The following DLG2 variants were observed in gnomAD, a reference collection of about 807,000 sequenced individuals.
DLG2 encodes disks large homolog 2.
DLG2 carries 45 observed loss-of-function variants against 132.5 expected under a neutral mutation model. The observed-to-expected ratio is 0.34, with a 90% confidence interval of 0.27 to 0.44. The LOEUF (loss-of-function observed/expected upper bound fraction) is 0.44. Among genes scored for constraint, DLG2 ranks in the 20% least tolerant of loss-of-function variants. DLG2 has a pLI of 1.00. For synonymous variants in DLG2, 424 were observed against 419.6 expected (o/e 1.01, Z -0.13); for missense variants, 1,045 against 1,196.9 (o/e 0.87, Z 1.87).
At chr11:84,309,317 T>C (rs1350947022) in intron 7 of DLG2, among the ~76,000 whole-genome samples, 1 of 152,242 alleles carries the variant, frequency 6.6e-6, no homozygotes, top group African/African-American at 2.4e-5. Context: ...ACTTTTTGTA[T>C]AATGTCCAAC....
At chr11:84,071,692 T>C (rs2096759758) in intron 10 of DLG2, among the ~76,000 whole-genome samples, 1 of 152,200 alleles carries the variant, frequency 6.6e-6, no homozygotes, top group Non-Finnish European at 1.5e-5. Context: ...GTTATTGAAA[T>C]ATAAGCCTGA....
intron 7 of DLG2, among the ~76,000 whole-genome samples, chr11:84,356,399 C>A (rs1344535925): frequency 6.6e-6 from 1 of 152,002 alleles, no homozygotes; most frequent in Admixed American, 6.6e-5. Context: ...AAACAAAGAA[C>A]CTGTATAAGA....
chr11:83,550,500 T>C (rs1305113277), intron 19 of DLG2, among the ~76,000 whole-genome samples: 2 of 152,146 alleles, frequency 1.3e-5, no homozygotes, highest in African/African-American at 4.8e-5. Context: ...TGAGCTCCAA[T>C]GTTGACTCAT....
At chr11:84,685,278 C>T (rs2099737142) in intron 6 of DLG2, among the ~76,000 whole-genome samples, 1 of 152,180 alleles carries the variant, frequency 6.6e-6, no homozygotes, top group Admixed American at 6.5e-5. Context: ...GTCCTCAATG[C>T]CTAGCCAAGT....
At chr11:84,363,007 T>A (rs1223801669) in intron 7 of DLG2, among the ~76,000 whole-genome samples, 7 of 151,870 alleles carry the variant, frequency 4.6e-5, no homozygotes, top group Non-Finnish European at 8.8e-5. Flanking sequence ...TGATTTATAG[T>A]CCTTTGGGTA....
At chr11:84,964,666 G>A (rs974928148) in intron 6 of DLG2, among the ~76,000 whole-genome samples, 1 of 152,142 alleles carries the variant, frequency 6.6e-6, no homozygotes, top group Non-Finnish European at 1.5e-5. Context: ...TGCAGGCACT[G>A]ATGTAAAAAT....
chr11:83,515,165 T>A (rs1467889052), intron 21 of DLG2, among the ~76,000 whole-genome samples: 2 of 152,218 alleles, frequency 1.3e-5, no homozygotes, highest in African/African-American at 4.8e-5. Flanking sequence ...CCTGGACTTT[T>A]TTTGGTTGGT....
chr11:85,325,360 T>C (rs1031870025), intron 3 of DLG2, among the ~76,000 whole-genome samples: 3 of 151,348 alleles, frequency 2.0e-5, no homozygotes, highest in African/African-American at 7.3e-5. Context: ...CTCTGCAGAC[T>C]TAAGTGTCCC....
chr11:84,795,981 A>G (rs578102363), intron 6 of DLG2, among the ~76,000 whole-genome samples: 1 of 152,158 alleles, frequency 6.6e-6, no homozygotes, highest in African/African-American at 2.4e-5. Flanking sequence ...ACTTGCTCAC[A>G]CACCCCTTGC....
chr11:84,314,258 C>T (rs997208091), intron 7 of DLG2, among the ~76,000 whole-genome samples: 1 of 152,204 alleles, frequency 6.6e-6, no homozygotes, highest in Non-Finnish European at 1.5e-5. Context: ...TTCTTCTTTA[C>T]GCTTTATCAA....
At chr11:85,287,284 C>A (rs1427282001) in intron 3 of DLG2, among the ~76,000 whole-genome samples, 3 of 151,872 alleles carry the variant, frequency 2.0e-5, no homozygotes, top group African/African-American at 7.3e-5. Context: ...GACAAAGGAA[C>A]AGTATCCAGA....
intron 11 of DLG2, among the ~76,000 whole-genome samples, chr11:84,058,197 G>T (rs974411166): frequency 6.6e-6 from 1 of 151,992 alleles, no homozygotes; most frequent in African/African-American, 2.4e-5. Flanking sequence ...TTAAAGAAAT[G>T]AGAAATGATT....
intron 7 of DLG2, among the ~76,000 whole-genome samples, chr11:84,438,486 TAAA>T (rs57313257): frequency 6.6e-6 from 1 of 151,850 alleles, no homozygotes; most frequent in African/African-American, 2.4e-5. Context: ...AAATAAAAAA[TAAA>T]AAAACCCAGG....
intron 6 of DLG2, among the ~76,000 whole-genome samples, chr11:84,927,294 T>C (rs2047508380): frequency 6.6e-6 from 1 of 151,986 alleles, no homozygotes; most frequent in South Asian, 2.1e-4. Context: ...TTCTTATAGG[T>C]AGATAGAGTA....
At chr11:83,891,580 T>G (rs543181074) in intron 15 of DLG2, among the ~76,000 whole-genome samples, 1 of 152,244 alleles carries the variant, frequency 6.6e-6, no homozygotes, top group Non-Finnish European at 1.5e-5. Flanking sequence ...GTCAAGGATA[T>G]GTGGAGAGAA....
chr11:84,151,939 T>C (rs916927886), intron 9 of DLG2, among the ~76,000 whole-genome samples: 2 of 152,218 alleles, frequency 1.3e-5, no homozygotes, highest in Admixed American at 1.3e-4. Flanking sequence ...TCTTTGCATT[T>C]ATTGAGTCTT....
intron 5 of DLG2, among the ~76,000 whole-genome samples, chr11:85,124,004 G>C (rs1170101025): frequency 3.3e-5 from 5 of 152,222 alleles, no homozygotes; most frequent in South Asian, 4.1e-4. Context: ...TTTGCCACCA[G>C]AGTGGTAACT....
chr11:85,039,862 T>C (rs970706498), intron 6 of DLG2, among the ~76,000 whole-genome samples: 3 of 151,934 alleles, frequency 2.0e-5, no homozygotes, highest in African/African-American at 4.8e-5. Flanking sequence ...CTTTAAATTT[T>C]GGTTGAATGA....
chr11:85,517,655 G>A (rs1447490507), intron 3 of DLG2, among the ~76,000 whole-genome samples: 1 of 151,452 alleles, frequency 6.6e-6, no homozygotes, highest in African/African-American at 2.4e-5. Flanking sequence ...TGTCACCCAG[G>A]CTGAAGTGCA....
Sources: allele counts gnomAD v4.1 joint callset (sites outside exome capture counted in the v4.1 genomes callset), GRCh38; gene constraint gnomAD v4.1.1; transcripts MANE v1.5; gene names NCBI Gene and HGNC (gene_info 2026-07-23, HGNC 2026-07-21).